MYRFL: variants seen among roughly 807,000 people sequenced by gnomAD.
The protein encoded by MYRFL is myelin regulatory factor like.
MYRFL carries 88 observed loss-of-function variants against 109.4 expected under a neutral mutation model. That is an observed-to-expected ratio of 0.80 (90% CI 0.68 to 0.96). The LOEUF (loss-of-function observed/expected upper bound fraction) is 0.96, where lower values mean the gene tolerates loss of function less well. Among genes scored for constraint, MYRFL ranks in the 40% least tolerant of loss-of-function variants. The pLI, the probability that MYRFL is intolerant of heterozygous loss-of-function variation, is 0.00. For synonymous variants in MYRFL, 324 were observed against 320.9 expected (o/e 1.01, Z -0.10); for missense variants, 957 against 954.9 (o/e 1.00, Z -0.03).
intron 11 of MYRFL, 40 bp downstream of exon 11, chr12:69,903,884 C>G (rs563319208): frequency 1.0e-4 from 154 of 1,475,382 alleles, no homozygotes; most frequent in Non-Finnish European, 1.3e-4. Flanking sequence ...CCTCTGACAC[C>G]CCAGTCAGGT....
At chr12:69,827,661 A>G (rs1243774741) in intron 1 of MYRFL, among the ~76,000 whole-genome samples, 1 of 152,134 alleles carries the variant, frequency 6.6e-6, no homozygotes, top group Non-Finnish European at 1.5e-5. Flanking sequence ...TACAACCTAA[A>G]TTTCTAATAG....
At chr12:69,935,457 G>T (rs942135470) in intron 16 of MYRFL, among the ~76,000 whole-genome samples, 1 of 152,206 alleles carries the variant, frequency 6.6e-6, no homozygotes, top group African/African-American at 2.4e-5. Context: ...GCTTCCCAAG[G>T]CTCGGAACTC....
intron 19 of MYRFL, chr12:69,946,967 GTTTGCC>G (rs1955855950): frequency 6.6e-6 from 1 of 152,260 alleles, no homozygotes; most frequent in African/African-American, 2.4e-5. Context: ...CTCCTGGCAA[GTTTGCC>G]TCTGTCCATT....
chr12:69,853,122 C>T (rs945545358), intron 1 of MYRFL, among the ~76,000 whole-genome samples: 47 of 152,124 alleles, frequency 3.1e-4, no homozygotes, highest in Non-Finnish European at 6.5e-4. Flanking sequence ...GACGGGGTGG[C>T]GGCTGGGCAG....
chr12:69,856,283 C>G (rs1397175908), intron 2 of MYRFL, among the ~76,000 whole-genome samples: 1 of 152,128 alleles, frequency 6.6e-6, no homozygotes, highest in African/African-American at 2.4e-5. Flanking sequence ...GTGATTATAA[C>G]AGCTTGTTTA....
chr12:69,826,015 G>A (rs1039146640), intron 1 of MYRFL, among the ~76,000 whole-genome samples: 1 of 152,110 alleles, frequency 6.6e-6, no homozygotes, highest in African/African-American at 2.4e-5. Context: ...CTAGGGATCA[G>A]TCAGCAGCAC....
At chr12:69,947,125 C>G (rs1955858608) in intron 19 of MYRFL, 1 of 152,108 alleles carries the variant, frequency 6.6e-6, no homozygotes, top group Non-Finnish European at 1.5e-5. Context: ...GGAAAGTATT[C>G]TTTTCAGCCA....
At chr12:69,840,233 G>A (rs1411324422) in intron 1 of MYRFL, among the ~76,000 whole-genome samples, 1 of 152,184 alleles carries the variant, frequency 6.6e-6, no homozygotes, top group East Asian at 1.9e-4. Flanking sequence ...TGTATGTCCA[G>A]TTTGCCTTCT....
chr12:69,932,431 C>T, intron 15 of MYRFL, 82 bp from the exon 16 acceptor site: 2 of 898,516 alleles, frequency 2.2e-6, no homozygotes, highest in Non-Finnish European at 3.5e-6. Flanking sequence ...GCAAATACCC[C>T]TGCTGGGAGC....
At chr12:69,901,902 A>ATTTTT (rs1954204113) in intron 10 of MYRFL, among the ~76,000 whole-genome samples, 2 of 68,782 alleles carry the variant, frequency 2.9e-5, no homozygotes, top group Admixed American at 2.4e-4. Flanking sequence ...TGTTTTTTTT[A>ATTTTT]AATTTTCTTG....
At chr12:69,839,444 G>C (rs1883124463) in intron 1 of MYRFL, among the ~76,000 whole-genome samples, 1 of 152,126 alleles carries the variant, frequency 6.6e-6, no homozygotes, top group African/African-American at 2.4e-5. Context: ...ATTTGTATTA[G>C]ACATGTCATT....
At chr12:69,846,106 C>CTTTTTTTTTTT (rs60251292) in intron 1 of MYRFL, among the ~76,000 whole-genome samples, 8 of 61,726 alleles carry the variant, frequency 1.3e-4, no homozygotes, top group South Asian at 9.1e-4. Context: ...TATTGACTAT[C>CTTTTTTTTTTT]TTTTTTTTTT....
At chr12:69,934,833 G>C (rs1955395602) in intron 16 of MYRFL, among the ~76,000 whole-genome samples, 1 of 152,072 alleles carries the variant, frequency 6.6e-6, no homozygotes, top group Non-Finnish European at 1.5e-5. Flanking sequence ...AGGTAGTATT[G>C]GAAAAGGCAA....
chr12:69,915,228 G>A (rs951329799), intron 13 of MYRFL, among the ~76,000 whole-genome samples: 1 of 152,120 alleles, frequency 6.6e-6, no homozygotes, highest in Non-Finnish European at 1.5e-5. Flanking sequence ...TGTGGCTTTG[G>A]TTGCCACCTC....
chr12:69,860,041 A>C (rs1051278323), intron 2 of MYRFL, among the ~76,000 whole-genome samples: 1 of 152,030 alleles, frequency 6.6e-6, no homozygotes, highest in East Asian at 1.9e-4. Context: ...TCATCCCATC[A>C]CCTAGGTATT....
At chr12:69,931,298 CAGTACACTATTAAG>C (rs1424962441) in intron 15 of MYRFL, among the ~76,000 whole-genome samples, 2 of 152,172 alleles carry the variant, frequency 1.3e-5, no homozygotes, top group African/African-American at 4.8e-5. Flanking sequence ...CTTCTCTGTG[CAGTACACTATTAAG>C]ACGTCCTCCG....
intron 9 of MYRFL, 21 bp downstream of exon 9, chr12:69,895,502 A>G (rs1953959805): frequency 6.6e-7 from 1 of 1,526,112 alleles, no homozygotes; most frequent in Non-Finnish European, 8.8e-7. Flanking sequence ...CACTGTGTGC[A>G]TGGCAGTGTG....
At chr12:69,837,164 G>A (rs1212193939) in intron 1 of MYRFL, among the ~76,000 whole-genome samples, 1 of 152,060 alleles carries the variant, frequency 6.6e-6, no homozygotes, top group Admixed American at 6.6e-5. Context: ...ACACCACTCC[G>A]CCTACCCAGA....
chr12:69,861,860 T>C (rs1430761042), intron 2 of MYRFL, among the ~76,000 whole-genome samples: 2 of 151,630 alleles, frequency 1.3e-5, no homozygotes, highest in African/African-American at 4.8e-5. Context: ...TAGGTTTTCT[T>C]CTAGGGTTTT....
Sources: allele counts gnomAD v4.1 joint callset (sites outside exome capture counted in the v4.1 genomes callset), GRCh38; gene constraint gnomAD v4.1.1; transcripts MANE v1.5; gene names NCBI Gene and HGNC (gene_info 2026-07-23, HGNC 2026-07-21).